PTGER3: variants seen among roughly 807,000 people sequenced by gnomAD.
The protein encoded by PTGER3 is prostaglandin E2 receptor EP3 subtype.
PTGER3 carries 22 observed loss-of-function variants against 34.7 expected under a neutral mutation model. The observed-to-expected ratio is 0.63, with a 90% CI of 0.45 to 0.91. The LOEUF (loss-of-function observed/expected upper bound fraction) is 0.91. PTGER3 is among the 40% of genes least tolerant of loss of function. PTGER3 has a pLI of 0.00. For missense variants in PTGER3, 468 were observed against 519.4 expected (o/e 0.90, Z 0.96); for synonymous variants, 241 against 230.1 (o/e 1.05, Z -0.43).
chr1:71,006,742 T>C, intron 2 of PTGER3: 1 of 985,310 alleles, frequency 1.0e-6, no homozygotes, highest in South Asian at 4.7e-5. Context: ...GCTGTTGCAT[T>C]ACATTGTGCT....
chr1:71,024,650 T>C (rs1285599435), intron 1 of PTGER3, among the ~76,000 whole-genome samples: 14 of 57,976 alleles, frequency 2.4e-4, no homozygotes, highest in South Asian at 1.6e-3. Flanking sequence ...TCTTTCTTTT[T>C]TTTTTTTTTT....
chr1:70,980,397 C>A (rs559689579), intron 2 of PTGER3, among the ~76,000 whole-genome samples: 13 of 152,126 alleles, frequency 8.5e-5, no homozygotes, highest in African/African-American at 3.1e-4. Context: ...GTTACTGCAA[C>A]TTGCTGGCCC....
chr1:70,893,117 A>C (rs1646654636), intron 4 of PTGER3, among the ~76,000 whole-genome samples: 1 of 152,126 alleles, frequency 6.6e-6, no homozygotes, highest in Non-Finnish European at 1.5e-5. Flanking sequence ...TCAGATCCTC[A>C]TTCTCCTCAT....
At chr1:70,916,765 T>C (rs1404256383) in intron 4 of PTGER3, among the ~76,000 whole-genome samples, 2 of 151,898 alleles carry the variant, frequency 1.3e-5, no homozygotes, top group African/African-American at 2.4e-5. Flanking sequence ...AAACTACCTA[T>C]TGGGCACTAT....
intron 4 of PTGER3, among the ~76,000 whole-genome samples, chr1:70,904,842 T>G (rs1037105198): frequency 2.0e-5 from 3 of 152,142 alleles, no homozygotes; most frequent in Admixed American, 1.3e-4. Context: ...GAAATTTGTA[T>G]AAGTAGTGAG....
intron 2 of PTGER3, among the ~76,000 whole-genome samples, chr1:70,980,585 A>G (rs1383256029): frequency 6.6e-6 from 1 of 152,096 alleles, no homozygotes; most frequent in Admixed American, 6.6e-5. Context: ...AATCTGAGCC[A>G]TGATGGCACC....
chr1:70,970,744 G>A (rs1007941356), downstream of PTGER3: 39 of 463,902 alleles, frequency 8.4e-5, no homozygotes, highest in African/African-American at 3.4e-4. Flanking sequence ...AGCAGGTAAC[G>A]GCATATCCGT....
At chr1:71,028,499 G>C (rs890652173) in intron 1 of PTGER3, among the ~76,000 whole-genome samples, 1 of 152,138 alleles carries the variant, frequency 6.6e-6, no homozygotes, top group African/African-American at 2.4e-5. Flanking sequence ...CTCTAATAAT[G>C]ACTGAGGGCA....
intron 1 of PTGER3, among the ~76,000 whole-genome samples, chr1:71,018,009 C>T (rs1268102908): frequency 3.3e-5 from 5 of 152,132 alleles, no homozygotes; most frequent in East Asian, 1.9e-4. Context: ...AGGGAATCCA[C>T]CCGTCTCGAC....
intron 4 of PTGER3, among the ~76,000 whole-genome samples, chr1:70,902,350 G>A (rs879924811): frequency 4.6e-5 from 7 of 152,180 alleles, no homozygotes; most frequent in Non-Finnish European, 1.0e-4. Flanking sequence ...GGTTCCATGA[G>A]GTTCACCAAC....
chr1:70,963,275 C>T (rs1277778355), intron 2 of PTGER3, among the ~76,000 whole-genome samples: 1 of 152,158 alleles, frequency 6.6e-6, no homozygotes, highest in African/African-American at 2.4e-5. Context: ...GCACACCGCA[C>T]AAGCCTTTGG....
intron 4 of PTGER3, among the ~76,000 whole-genome samples, chr1:70,870,080 A>G (rs1301703273): frequency 6.6e-6 from 1 of 152,016 alleles, no homozygotes; most frequent in Non-Finnish European, 1.5e-5. Flanking sequence ...GCTTTTCTAC[A>G]TGTTCCCTGA....
At chr1:70,988,000 G>A (rs143143473) in intron 2 of PTGER3, among the ~76,000 whole-genome samples, 9 of 152,208 alleles carry the variant, frequency 5.9e-5, no homozygotes, top group South Asian at 4.1e-4. Context: ...GTTATGAAGC[G>A]TCTAAATTCA....
chr1:70,869,395 C>A (rs1413090917), intron 4 of PTGER3: 4 of 408,528 alleles, frequency 9.8e-6, no homozygotes, highest in African/African-American at 4.1e-5. Flanking sequence ...CACCCCTCTT[C>A]TCCACCCCTA....
At chr1:70,988,332 A>G (rs567480193) in intron 2 of PTGER3, among the ~76,000 whole-genome samples, 5 of 152,246 alleles carry the variant, frequency 3.3e-5, no homozygotes, top group African/African-American at 1.2e-4. Flanking sequence ...GAGCCTTCCA[A>G]TTGCTTCCTA....
chr1:70,951,568 G>A (rs1163686979), downstream of PTGER3: 1 of 152,190 alleles, frequency 6.6e-6, no homozygotes, highest in Non-Finnish European at 1.5e-5. Context: ...CGGAGTAGAA[G>A]AAGGAGATTG....
At chr1:70,971,766 C>A in intron 3 of PTGER3, 33 bp from the exon 4 acceptor site, 1 of 1,416,916 alleles carries the variant, frequency 7.1e-7, no homozygotes, top group African/African-American at 1.4e-5. Flanking sequence ...ATGCAATAAG[C>A]ATGGATGGGG....
At chr1:70,897,956 T>C (rs145209999) in intron 4 of PTGER3, among the ~76,000 whole-genome samples, 146 of 152,262 alleles carry the variant, frequency 9.6e-4, no homozygotes, top group African/African-American at 3.3e-3. Context: ...CTTAATCTAT[T>C]TGAACATATC....
At chr1:70,981,235 T>C (rs1654225521) in intron 2 of PTGER3, among the ~76,000 whole-genome samples, 1 of 152,074 alleles carries the variant, frequency 6.6e-6, no homozygotes, top group African/African-American at 2.4e-5. Context: ...CATACTATTG[T>C]TTCTTTTTCT....
Sources: allele counts gnomAD v4.1 joint callset (sites outside exome capture counted in the v4.1 genomes callset), GRCh38; gene constraint gnomAD v4.1.1; transcripts MANE v1.5; gene names NCBI Gene and HGNC (gene_info 2026-07-23, HGNC 2026-07-21).